Variants in WDR44 observed in about 807,000 individuals in gnomAD.
WDR44 encodes WD repeat domain 44, also known as WD repeat-containing protein 44.
WDR44 carries 9 observed loss-of-function variants against 65.7 expected under a neutral mutation model. The observed-to-expected ratio is 0.14, with a 90% CI of 0.08 to 0.24. WDR44 has a LOEUF of 0.24. WDR44 is among the 10% of genes least tolerant of loss of function. WDR44 has a pLI of 1.00. For synonymous variants in WDR44, 220 were observed against 235.2 expected (o/e 0.94, Z 0.59); for missense variants, 425 against 670.9 (o/e 0.63, Z 4.05).
intron 1 of WDR44, among the ~76,000 whole-genome samples, chrX:118,376,247 T>A (rs1377088352): frequency 9.0e-6 from 1 of 110,858 alleles, no homozygotes; most frequent in Admixed American, 9.7e-5. Context: ...CCATAAATGT[T>A]TGTTGAGTAA....
intron 1 of WDR44, among the ~76,000 whole-genome samples, chrX:118,360,605 G>A (rs1269838027): frequency 9.0e-6 from 1 of 111,474 alleles, no homozygotes; most frequent in African/African-American, 3.3e-5. Context: ...TTAATTAGTT[G>A]CTTACTTTAA....
At chrX:118,423,273 A>G (rs1192823179) in intron 12 of WDR44, among the ~76,000 whole-genome samples, 2 of 110,870 alleles carry the variant, frequency 1.8e-5, no homozygotes, top group African/African-American at 6.6e-5. Context: ...GGTTCAAGCA[A>G]TTCTCCTGCC....
intron 12 of WDR44, among the ~76,000 whole-genome samples, chrX:118,423,456 A>G (rs769949090): frequency 8.9e-6 from 1 of 112,246 alleles, no homozygotes; most frequent in African/African-American, 3.2e-5. Context: ...AGCGTGAGCC[A>G]CTGTGCCAGG....
chrX:118,402,929 A>G lies in WDR44; in HGVS notation c.1275-1409A>G, dbSNP rs1397085598. On this transcript the variant is annotated intron_variant, in intron 8 of 19. Transcript: ENST00000254029. ...ATATTACAGTAGTTCCCTCTTATCC[A>G]TGGGGTATACGTTCCAAGATCCCCA... Among the ~76,000 whole-genome samples the G allele has an allele frequency of 1.3e-4, 14 of 111,986 alleles. No individual in the cohort carries two copies. The Admixed American group carries it at 1.3e-3, about 11-fold the overall frequency.
At chrX:118,442,982 C>CT (rs1380254049) in intron 17 of WDR44, among the ~76,000 whole-genome samples, 1 of 111,001 alleles carries the variant, frequency 9.0e-6, no homozygotes. Context: ...TTTGTTTACG[C>CT]TTTTAAGAGG....
intron 9 of WDR44, among the ~76,000 whole-genome samples, chrX:118,406,474 T>C (rs1041177428): frequency 8.9e-6 from 1 of 112,115 alleles, no homozygotes; most frequent in Non-Finnish European, 1.9e-5. Flanking sequence ...CCTCCTATGC[T>C]TTTGTCATTA....
Position 118,378,449 on chromosome X carries a change from C to A in WDR44, c.108C>A (p.Phe36Leu). 8.3e-7 allele frequency: 1 copy of A among 1,206,951 alleles called. No individual in the cohort carries two copies. Among genetic ancestry groups the A allele is most frequent in the South Asian group, 1.8e-5 (1 of 56,317 alleles). ...CAGGAAAAGTTGGGCTTTCAACATT[C>A]AAGGTAAGTTGTGCTTTCTGAAAGT... ...GSPGKVGLST[F>L]KETENTAYKV... Residue 36 changes from phenylalanine (F) to leucine (L), a missense_variant, in exon 2 of 20, where the codon TTC (phenylalanine) becomes TTA (leucine). By Grantham distance (22) the Phe-to-Leu change is conservative. Around this residue, in one of 5 missense-constraint regions of WDR44, gnomAD observed 193 missense variants for 209.0 expected, o/e 0.92. Coordinates refer to ENST00000254029, the MANE Select transcript of WDR44 (RefSeq NM_019045.5).
intron 1 of WDR44, among the ~76,000 whole-genome samples, chrX:118,366,155 A>G (rs1009210974): frequency 1.2e-4 from 13 of 111,981 alleles, no homozygotes; most frequent in African/African-American, 3.6e-4. Context: ...TTTGACTATC[A>G]GTAATCTTAA....
intron 7 of WDR44, among the ~76,000 whole-genome samples, chrX:118,397,449 C>G (rs1412824549): frequency 9.0e-6 from 1 of 110,869 alleles, no homozygotes; most frequent in Non-Finnish European, 1.9e-5. Flanking sequence ...CACTTGAATT[C>G]AGGAGTTAGA....
At chrX:118,346,919 T>A (rs900711666) in intron 1 of WDR44, among the ~76,000 whole-genome samples, 1 of 111,786 alleles carries the variant, frequency 8.9e-6, no homozygotes, top group African/African-American at 3.3e-5. Flanking sequence ...TGAGCTTACC[T>A]TTCAAACATC....
intron 6 of WDR44, 115 bp from the exon 7 acceptor site, chrX:118,396,855 G>A: frequency 1.3e-6 from 1 of 752,149 alleles, no homozygotes. Flanking sequence ...ATTGTGTGCA[G>A]TATTGAATAT....
rs185832445 is a variant in WDR44, at chrX:118,407,113, A to G, written c.1533+87A>G. ...TCTACAAAACTATCTCTTTCTATGT[A>G]TGTAACTTTGCTAGCCTGACTCAAG... On this transcript the variant is annotated intron_variant, in intron 10 of 19. Coordinates refer to ENST00000254029, the MANE Select transcript of WDR44 (RefSeq NM_019045.5). 78 of 962,054 alleles carry G rather than the reference A, an allele frequency of 8.1e-5. No homozygotes were observed. The East Asian group carries it at 8.4e-4, about 10-fold the overall frequency. 79.3% of individuals were successfully genotyped at this position (962,054 alleles called of 1,213,427 possible). A position where few individuals can be genotyped will look rare whatever the true frequency, so the allele number is the denominator to read the frequency against.
At chrX:118,435,086 T>C (rs1180790227) in intron 13 of WDR44, among the ~76,000 whole-genome samples, 1 of 111,848 alleles carries the variant, frequency 8.9e-6, no homozygotes, top group African/African-American at 3.2e-5. Flanking sequence ...GTTTATTTAA[T>C]AAAAAGTATT....
At chrX:118,349,676 G>C (rs1477949830) in intron 1 of WDR44, among the ~76,000 whole-genome samples, 5 of 110,319 alleles carry the variant, frequency 4.5e-5, no homozygotes, top group African/African-American at 1.7e-4. Context: ...TCCTGCCTCA[G>C]CCTCCTGAGT....
chrX:118,443,918 C>T (rs941014179), intron 18 of WDR44, among the ~76,000 whole-genome samples: 22 of 110,591 alleles, frequency 2.0e-4, no homozygotes, highest in Non-Finnish European at 1.9e-4. Flanking sequence ...TAGTGGCACA[C>T]GTCTGTAGTC....
At chrX:118,424,327 A>ATG (rs2057136406) in intron 12 of WDR44, among the ~76,000 whole-genome samples, 1 of 77,968 alleles carries the variant, frequency 1.3e-5, no homozygotes, top group African/African-American at 9.3e-5. Context: ...GTGTGTGTAT[A>ATG]TATATATATA....
chrX:118,418,161 A>G (rs1469171743), intron 12 of WDR44, among the ~76,000 whole-genome samples: 1 of 111,553 alleles, frequency 9.0e-6, no homozygotes, highest in Non-Finnish European at 1.9e-5. Flanking sequence ...TAACTTAATA[A>G]CTAACCTCCT....
At chrX:118,388,841 C>G (rs2056794367) in intron 3 of WDR44, among the ~76,000 whole-genome samples, 2 of 111,803 alleles carry the variant, frequency 1.8e-5, no homozygotes, top group Non-Finnish European at 3.8e-5. Flanking sequence ...GTCTTTTACT[C>G]TTACCATTTT....
intron 9 of WDR44, among the ~76,000 whole-genome samples, chrX:118,405,921 G>A (rs1251619556): frequency 2.7e-5 from 3 of 110,916 alleles, no homozygotes; most frequent in East Asian, 2.8e-4. Flanking sequence ...CAGGAGAACC[G>A]CTTGAGGCCA....
Sources: allele counts gnomAD v4.1 joint callset (sites outside exome capture counted in the v4.1 genomes callset), GRCh38; gene constraint gnomAD v4.1.1; regional missense constraint gnomAD v4.1.1; transcripts MANE v1.5; gene names NCBI Gene and HGNC (gene_info 2026-07-23, HGNC 2026-07-21).